The following SLC30A2 variants were observed in gnomAD, a reference collection of about 807,000 sequenced individuals.
The protein encoded by SLC30A2 is solute carrier family 30 member 2.
In SLC30A2, 19 loss-of-function variants were observed where a neutral mutation model predicts 39.6. That is an observed-to-expected ratio of 0.48 (90% confidence interval 0.34 to 0.70). The LOEUF (loss-of-function observed/expected upper bound fraction) is 0.70, where lower values mean the gene tolerates loss of function less well. Ranked by LOEUF, SLC30A2 falls within the 30% of genes least tolerant of loss-of-function variation. The pLI, the probability that SLC30A2 is intolerant of heterozygous loss-of-function variation, is 0.01. For synonymous variants in SLC30A2, 195 were observed against 194.8 expected (o/e 1.00, Z -0.01); for missense variants, 387 against 479.4 (o/e 0.81, Z 1.80).
intron 4 of SLC30A2, among the ~76,000 whole-genome samples, chr1:26,042,935 TCTC>T (rs1322092015): frequency 6.6e-6 from 1 of 152,158 alleles, no homozygotes; most frequent in African/African-American, 2.4e-5. Context: ...CAGTGTCAAA[TCTC>T]AGAGCAGGAG....
Position 26,039,998 on chromosome 1 carries a change from G to A in SLC30A2, c.839-87C>T. The A allele has an allele frequency of 6.7e-7, 1 of 1,490,974 alleles. No homozygotes were observed. 92.4% of individuals were successfully genotyped at this position (1,490,974 alleles called of 1,614,324 possible). On this transcript the variant is annotated intron_variant, in intron 6 of 7. Transcript: ENST00000374276. This position sits in a 1 kb window ranked among gnomAD's most constrained non-coding sequence, Gnocchi z 4.3. ...TGCAGGGCTGGCTCCTGATCCTCAG[G>A]TGTCATCCCCTCAAAGAAGACCTCT...
chr1:26,038,903 A>AAT lies in SLC30A2; in HGVS notation c.*255_*256dup. On this transcript the variant is annotated 3_prime_UTR_variant, in exon 8 of 8. Transcript: ENST00000374276. ...GAACATTTGCTGAGGATTAGGCCCA[A>AAT]ATACAGCCCTTCCAGAGCTGGCCCA... 3.0e-6 allele frequency: 3 copies of AAT among 993,346 alleles called. No individual in the cohort carries two copies. The highest frequency in any genetic ancestry group is 3.9e-6 in the Non-Finnish European group (3 of 764,780). The allele number at this position is 993,346 out of a possible 1,614,324, so 61.5% of individuals were successfully genotyped here.
chr1:26,045,915 C>G lies in SLC30A2; in HGVS notation c.-19G>C, dbSNP rs770923506. The G allele has an allele frequency of 6.2e-7, 1 of 1,608,024 alleles. No homozygotes were observed. Among genetic ancestry groups the G allele is most frequent in the African/African-American group, 1.3e-5 (1 of 74,746 alleles). ...CCTCCATGCAGTCCCGCGCCGAGTC[C>G]CGGCAGCCGCGCAGCCGCCCCGCCG... is the stretch of plus-strand genomic sequence containing the variant. On this transcript the variant is annotated 5_prime_UTR_variant, in exon 1 of 8. Coordinates refer to ENST00000374276, the MANE Select transcript of SLC30A2 (RefSeq NM_001004434.3).
rs1351167966 is a variant in SLC30A2, at chr1:26,039,202, C to T, written c.1077G>A (p.Glu359=). The T allele has an allele frequency of 6.2e-7, 1 of 1,614,142 alleles. No homozygotes were observed. Among genetic ancestry groups the T allele is most frequent in the South Asian group, 1.1e-5 (1 of 91,074 alleles). Residue 359 remains glutamate, a synonymous_variant, in exon 8 of 8, where the codon GAG becomes GAA. Coordinates refer to ENST00000374276, the MANE Select transcript of SLC30A2 (RefSeq NM_001004434.3). This position sits in a 1 kb window ranked among gnomAD's most constrained non-coding sequence, Gnocchi z 4.3. ...GGCATGCCTGACAGTCCTTCATGTCCTCCGAGTAGTCCTCGATCTGGATGG... is the reference window on the plus strand; with the variant it reads ...GGCATGCCTGACAGTCCTTCATGTCTTCCGAGTAGTCCTCGATCTGGATGG... ...TVTIQIEDYS[E]DMKDCQACQG...
rs2124428348 is a variant in SLC30A2, at chr1:26,046,040, C to G, written c.-144G>C. ...CTCACTCCGGCCCGGCTCCTGCGGCCCCTGAGCTCCCCCGGCTCCCGCTGC... is the reference window on the plus strand; with the variant it reads ...CTCACTCCGGCCCGGCTCCTGCGGCGCCTGAGCTCCCCCGGCTCCCGCTGC... On this transcript the variant is annotated 5_prime_UTR_variant, in exon 1 of 8. Coordinates refer to ENST00000374276, the MANE Select transcript of SLC30A2 (RefSeq NM_001004434.3). This position sits in a 1 kb window ranked among gnomAD's most constrained non-coding sequence, Gnocchi z 4.4. 1 of 1,359,116 alleles carries G rather than the reference C, an allele frequency of 7.4e-7. No homozygotes were observed. The highest frequency in any genetic ancestry group is 2.7e-4 in the Middle Eastern group (1 of 3,650). 84.2% of individuals were successfully genotyped at this position (1,359,116 alleles called of 1,614,324 possible). A position where few individuals can be genotyped will look rare whatever the true frequency, so the allele number is the denominator to read the frequency against.
chr1:26,039,225 T>A lies in SLC30A2; in HGVS notation c.1054A>T (p.Ile352Phe), dbSNP rs1433795979. 2.5e-6 allele frequency: 4 copies of A among 1,614,026 alleles called. No homozygotes were observed. Among genetic ancestry groups the A allele is most frequent in the Non-Finnish European group, 3.4e-6 (4 of 1,179,998 alleles). Residue 352 changes from isoleucine (I) to phenylalanine (F), a missense_variant, in exon 8 of 8, where the codon ATC (isoleucine) becomes TTC (phenylalanine). Ile to Phe is a conservative substitution (Grantham distance 21). Transcript: ENST00000374276. This position sits in a 1 kb window ranked among gnomAD's most constrained non-coding sequence, Gnocchi z 4.3. ...TCCTCCGAGTAGTCCTCGATCTGGA[T>A]GGTCACGGTGTGGAAGTGGAACTTC... ...QGKFHFHTVT[I>F]QIEDYSEDMK...
chr1:26,045,026 C>T lies in SLC30A2; in HGVS notation c.242G>A (p.Cys81Tyr). The T allele has an allele frequency of 6.2e-7, 1 of 1,614,220 alleles. No homozygotes were observed. The highest frequency in any genetic ancestry group is 1.1e-5 in the South Asian group (1 of 91,086). Residue 81 changes from cysteine (C) to tyrosine (Y), a missense_variant, in exon 2 of 8, where the codon TGC becomes TAC. Cys to Tyr is a radical substitution (Grantham distance 194). Coordinates refer to ENST00000374276, the MANE Select transcript of SLC30A2 (RefSeq NM_001004434.3). Reference sequence around the variant, plus strand: ...GACTTCTCCGATCATGAACAACAGGCAGATGGCAGAGGCTACATACAGCTG... The same window carrying T: ...GACTTCTCCGATCATGAACAACAGGTAGATGGCAGAGGCTACATACAGCTG... ...QRQLYVASAI[C>Y]LLFMIGEVVG...
rs1239344172 is a variant in SLC30A2 at position 26,043,520 on chromosome 1, G to C, written c.450C>G (p.Ser150=). 1 of 1,614,020 alleles carries C rather than the reference G, an allele frequency of 6.2e-7. No homozygotes were observed. Among genetic ancestry groups the C allele is most frequent in the Admixed American group, 1.7e-5 (1 of 60,018 alleles). ...CCAGTACCCCCGTCACGACCCAGAT[G>C]GACAGTACAGAGACCAGGGCTCCCA... ...EILGALVSVL[S]IWVVTGVLVY... Residue 150 remains serine (S), a synonymous_variant, in exon 4 of 8, where the codon TCC becomes TCG. Transcript: ENST00000374276.
chr1:26,039,068 G>A lies in SLC30A2; in HGVS notation c.*92C>T. ...GGGGGACCTGGTTTACAACACAGCT[G>A]GGGTAGGCAAAGTCCTGGCTGGGCC... is the stretch of plus-strand genomic sequence containing the variant. On this transcript the variant is annotated 3_prime_UTR_variant, in exon 8 of 8. Transcript: ENST00000374276. This position sits in a 1 kb window ranked among gnomAD's most constrained non-coding sequence, Gnocchi z 4.3. 2 of 1,546,218 alleles carry A rather than the reference G, an allele frequency of 1.3e-6. No homozygotes were observed. Among genetic ancestry groups the A allele is most frequent in the Non-Finnish European group, 1.8e-6 (2 of 1,140,632 alleles).
chr1:26,043,340 T>C, intron 4 of SLC30A2, 58 bp downstream of exon 4: 2 of 1,537,754 alleles, frequency 1.3e-6, no homozygotes, highest in Non-Finnish European at 1.8e-6. Flanking sequence ...CAGACATAGG[T>C]GTGGGTGTGA....
rs1169763590 is a variant in SLC30A2, at chr1:26,046,066, G to C, written c.-170C>G. ...CCTGAGCTCCCCCGGCTCCCGCTGC[G>C]GCTGCAGCTCCGGCTCTGGCTCCGC... is the stretch of plus-strand genomic sequence containing the variant. On this transcript the variant is annotated 5_prime_UTR_variant, in exon 1 of 8. Transcript: ENST00000374276. This position sits in a 1 kb window ranked among gnomAD's most constrained non-coding sequence, Gnocchi z 4.4. 7.5e-7 allele frequency: 1 copy of C among 1,330,358 alleles called. No individual in the cohort carries two copies. The highest frequency in any genetic ancestry group is 3.2e-5 in the East Asian group (1 of 31,082). The allele number at this position is 1,330,358 out of a possible 1,614,324, so 82.4% of individuals were successfully genotyped here. A position where few individuals can be genotyped will look rare whatever the true frequency, so the allele number is the denominator to read the frequency against.
In SLC30A2 at chr1:26,037,903, C is replaced by T. The variant is rs905455418; in HGVS notation, c.*1257G>A. On this transcript the variant is annotated 3_prime_UTR_variant, in exon 8 of 8. Coordinates refer to ENST00000374276, the MANE Select transcript of SLC30A2 (RefSeq NM_001004434.3). ...CTTGGGCCAGAACAGTCAAGACAAA[C>T]TCAGCACTGCCCCTGGGGAGGCTGG... 2.6e-5 allele frequency: 4 copies of T among 152,266 alleles called. No individual in the cohort carries two copies. The highest frequency in any genetic ancestry group is 9.6e-5 in the African/African-American group (4 of 41,458). The allele number at this position is 152,266 out of a possible 1,614,324, so 9.4% of individuals were successfully genotyped here.
rs183712497 is a variant in SLC30A2, at chr1:26,039,950, C to T, written c.839-39G>A. 1,109 of 1,612,536 alleles carry T rather than the reference C, an allele frequency of 6.9e-4. 21 individuals are homozygous for T. The Admixed American group carries it at 0.014, about 21-fold the overall frequency. On this transcript the variant is annotated intron_variant, in intron 6 of 7. Coordinates refer to ENST00000374276, the MANE Select transcript of SLC30A2 (RefSeq NM_001004434.3). This position sits in a 1 kb window ranked among gnomAD's most constrained non-coding sequence, Gnocchi z 4.3. ...GGACAGGGGAAACTAAAGGAAACTA[C>T]CCCTCCCACGCCTGCCCATTGGTGC...
chr1:26,043,260 G>A, intron 4 of SLC30A2, 138 bp downstream of exon 4: 1 of 913,406 alleles, frequency 1.1e-6, no homozygotes, highest in South Asian at 1.6e-5. Context: ...AGGTGCCAGA[G>A]CTCAGACCAT....
chr1:26,042,480 C>A (rs781689445), intron 5 of SLC30A2, 69 bp downstream of exon 5: 2 of 1,412,374 alleles, frequency 1.4e-6, no homozygotes, highest in Non-Finnish European at 2.0e-6. Flanking sequence ...AAAGAAACCC[C>A]GGTAGAGAGT....
rs2050367959 is a variant in SLC30A2 at position 26,038,934 on chromosome 1, T to C, written c.*226A>G. The stretch of plus-strand genomic sequence containing the variant: ...GCCCTTCCAGAGCTGGCCCAGGAGC[T>C]GGAAGAGCAGGGTCACACTAGCTTT... On this transcript the variant is annotated 3_prime_UTR_variant, in exon 8 of 8. Transcript: ENST00000374276. The C allele has an allele frequency of 1.6e-6, 2 of 1,227,778 alleles. No homozygotes were observed. Among genetic ancestry groups the C allele is most frequent in the African/African-American group, 1.5e-5 (1 of 65,686 alleles). The allele number at this position is 1,227,778 out of a possible 1,614,324, so 76.1% of individuals were successfully genotyped here.
rs1383240690 is a variant in SLC30A2 at position 26,045,886 on chromosome 1, T to C, written c.11A>G (p.Lys4Arg). 6 of 1,612,526 alleles carry C rather than the reference T, an allele frequency of 3.7e-6. No homozygotes were observed. The highest frequency in any genetic ancestry group is 2.7e-5 in the African/African-American group (2 of 74,918). MEA[K>R]EKQHLLDARP... The stretch of plus-strand genomic sequence containing the variant: ...GGCGTCCAACAGATGCTGCTTCTCC[T>C]TGGCCTCCATGCAGTCCCGCGCCGA... The change falls in exon 1 of 8, where the codon AAG (lysine) becomes AGG (arginine). Residue 4 changes from lysine (K) to arginine (R), a missense_variant. Coordinates refer to ENST00000374276, the MANE Select transcript of SLC30A2 (RefSeq NM_001004434.3).
intron 2 of SLC30A2, 59 bp from the exon 3 acceptor site, chr1:26,044,503 T>A: frequency 6.5e-7 from 1 of 1,542,488 alleles, no homozygotes. Flanking sequence ...AGACTGTGTG[T>A]GCAGCAGGGA....
chr1:26,039,331 G>A lies in SLC30A2; in HGVS notation c.974-26C>T. 5 of 1,589,762 alleles carry A rather than the reference G, an allele frequency of 3.1e-6. No homozygotes were observed. Among genetic ancestry groups the A allele is most frequent in the Non-Finnish European group, 4.3e-6 (5 of 1,159,208 alleles). On this transcript the variant is annotated intron_variant, in intron 7 of 7. Transcript: ENST00000374276. The surrounding 1 kb of genome is among the most constrained non-coding windows in gnomAD (Gnocchi z 4.3). Reference sequence around the variant, plus strand: ...CTGGGGGCCGAGAGGACACAGCGGGGGAAGCCATTTACTCTGGCCCTTTGG... The same window carrying A: ...CTGGGGGCCGAGAGGACACAGCGGGAGAAGCCATTTACTCTGGCCCTTTGG...
Sources: gnomAD v4.1 joint callset for allele counts (sites outside exome capture counted in the v4.1 genomes callset) on GRCh38, gnomAD v4.1.1 for gene constraint, Gnocchi (gnomAD v3.1) non-coding constraint, MANE v1.5 for transcripts, NCBI Gene and HGNC (gene_info 2026-07-23, HGNC 2026-07-21) for gene names.